The following PTGIS variants were observed in gnomAD, a reference collection of about 807,000 sequenced individuals.
The protein encoded by PTGIS is prostaglandin I2 synthase.
Under a neutral mutation model 50.3 loss-of-function variants are expected in PTGIS, and 45 were observed. The ratio of observed to expected loss-of-function variants is 0.90; its 90% CI spans 0.70 to 1.15. PTGIS has a LOEUF of 1.15. Among genes scored for constraint, PTGIS ranks in the 50% most tolerant of loss-of-function variants. The pLI, the probability that PTGIS is intolerant of heterozygous loss-of-function variation, is 0.00. For synonymous variants in PTGIS, 260 were observed against 267.7 expected (o/e 0.97, Z 0.28); for missense variants, 668 against 661.3 (o/e 1.01, Z -0.11).
At chr20:49,533,429 A>G (rs1324915697) in intron 5 of PTGIS, among the ~76,000 whole-genome samples, 2 of 151,938 alleles carry the variant, frequency 1.3e-5, no homozygotes, top group Admixed American at 6.6e-5. Flanking sequence ...CCTGCCCCCA[A>G]CTCCCTACTG....
At position 49,513,210 on chromosome 20, in the gene PTGIS, C is replaced by T. The variant is rs147983323; in HGVS notation, c.1076G>A (p.Arg359His). The T allele has an allele frequency of 1.9e-4, 309 of 1,613,912 alleles. 1 individual carries two copies. The highest frequency in any genetic ancestry group is 2.5e-4 in the Non-Finnish European group (293 of 1,180,040). ...CATGGCCAGGTCCACCACAACCTCG[C>T]GGGTGATGAAGGGGGCAGCTGTAAG... ...LRLTAAPFIT[R>H]EVVVDLAMPM... The change falls in exon 8 of 10, where the codon CGC becomes CAC. Residue 359 changes from arginine (R) to histidine (H), a missense_variant. By Grantham distance (29) the Arg-to-His change is conservative. Transcript: ENST00000244043.
At chr20:49,526,029 C>T (rs1446207401) in intron 5 of PTGIS, among the ~76,000 whole-genome samples, 1 of 152,126 alleles carries the variant, frequency 6.6e-6, no homozygotes, top group African/African-American at 2.4e-5. Context: ...GGTGACATTT[C>T]AATGTAAAGC....
chr20:49,545,434 GAAA>G (rs11435089), intron 3 of PTGIS, among the ~76,000 whole-genome samples: 1 of 137,700 alleles, frequency 7.3e-6, no homozygotes, highest in Admixed American at 7.3e-5. Context: ...AAAAAGAAAA[GAAA>G]AAAAAAAAAG....
chr20:49,532,116 C>T (rs2122866152), intron 5 of PTGIS, among the ~76,000 whole-genome samples: 1 of 152,178 alleles, frequency 6.6e-6, no homozygotes, highest in Admixed American at 6.5e-5. Flanking sequence ...AATATCTTAT[C>T]AATAATTTTA....
chr20:49,519,195 A>C (rs1015130676), intron 6 of PTGIS, among the ~76,000 whole-genome samples: 9 of 146,192 alleles, frequency 6.2e-5, no homozygotes, highest in African/African-American at 2.3e-4. Context: ...CCTGGACCTT[A>C]GGTCTCGGCC....
chr20:49,552,604 AT>A (rs58687253), intron 1 of PTGIS, among the ~76,000 whole-genome samples: 13,351 of 152,044 alleles, frequency 0.088, 722 homozygotes, highest in African/African-American at 0.15. Flanking sequence ...TTCCTTTAGT[AT>A]GCAAGTTTGG....
rs561823415 is a variant in PTGIS, at chr20:49,514,320, C to A, written c.931G>T (p.Gly311Ter). The A allele has an allele frequency of 2.5e-6, 4 of 1,613,954 alleles. No homozygotes were observed. In the African/African-American group the frequency reaches 4.0e-5, roughly 16 times the overall value. ...KNPEALAAVR[G>*]ELESILWQAE... ...TGCCAAAGGATACTCTCGAGCTCTC[C>A]GCGGACAGCAGCCAGGGCTTCAGGA... Residue 311 changes from glycine to a stop codon, truncating the protein, a stop_gained, in exon 7 of 10, where the codon GGA (glycine) becomes TGA (stop). Coordinates refer to ENST00000244043, the MANE Select transcript of PTGIS (RefSeq NM_000961.4). LOFTEE classifies it high-confidence loss of function.
At chr20:49,528,484 G>A (rs1981847909) in intron 5 of PTGIS, among the ~76,000 whole-genome samples, 1 of 152,118 alleles carries the variant, frequency 6.6e-6, no homozygotes, top group South Asian at 2.1e-4. Context: ...GCCAAGCATG[G>A]TGGTGGGCGC....
intron 4 of PTGIS, among the ~76,000 whole-genome samples, chr20:49,542,109 T>C (rs1263648109): frequency 6.6e-6 from 1 of 152,106 alleles, no homozygotes; most frequent in Non-Finnish European, 1.5e-5. Flanking sequence ...AGAGAGAGCG[T>C]GCCTGACCTG....
chr20:49,566,885 A>G (rs557225740), intron 1 of PTGIS, among the ~76,000 whole-genome samples: 21 of 152,342 alleles, frequency 1.4e-4, no homozygotes, highest in Middle Eastern at 3.4e-3. Context: ...AGAGTAACGG[A>G]CCAGTGTTGG....
intron 1 of PTGIS, among the ~76,000 whole-genome samples, chr20:49,552,965 C>A (rs563287057): frequency 2.6e-5 from 4 of 152,040 alleles, no homozygotes; most frequent in African/African-American, 9.6e-5. Context: ...CATAAGAGGT[C>A]TAATAAATTG....
chr20:49,535,439 T>C (rs1388095272), intron 5 of PTGIS, among the ~76,000 whole-genome samples: 2 of 152,116 alleles, frequency 1.3e-5, no homozygotes, highest in Non-Finnish European at 2.9e-5. Context: ...AAAGATAGAA[T>C]ATTGACATCT....
chr20:49,550,302 G>T, intron 1 of PTGIS, 113 bp from the exon 2 acceptor site: 1 of 1,389,382 alleles, frequency 7.2e-7, no homozygotes, highest in Non-Finnish European at 1.0e-6. Context: ...TCTGAATGGA[G>T]CACTCGGGGA....
chr20:49,509,215 G>A (rs990467161), intron 9 of PTGIS, among the ~76,000 whole-genome samples: 3 of 152,192 alleles, frequency 2.0e-5, no homozygotes, highest in Admixed American at 2.0e-4. Flanking sequence ...TAGAGGGTGA[G>A]TTTCTAAGGG....
intron 2 of PTGIS, among the ~76,000 whole-genome samples, chr20:49,548,483 AATGGATGG>A (rs377327811): frequency 6.6e-6 from 1 of 151,270 alleles, no homozygotes; most frequent in Non-Finnish European, 1.5e-5. Flanking sequence ...TGGATGGAAG[AATGGATGG>A]ATGGATGGAT....
chr20:49,551,811 T>C (rs1353026941), intron 1 of PTGIS, among the ~76,000 whole-genome samples: 1 of 84,958 alleles, frequency 1.2e-5, no homozygotes, highest in Non-Finnish European at 2.1e-5. Context: ...TGTGTTTGTG[T>C]GTGTGTGTGT....
chr20:49,561,615 G>A (rs1269970366), intron 1 of PTGIS, among the ~76,000 whole-genome samples: 2 of 152,172 alleles, frequency 1.3e-5, no homozygotes, highest in Non-Finnish European at 2.9e-5. Context: ...GAGGCAGGAG[G>A]GCATGGTCAC....
chr20:49,510,824 G>A (rs527433802), intron 9 of PTGIS, among the ~76,000 whole-genome samples: 3 of 152,302 alleles, frequency 2.0e-5, no homozygotes, highest in South Asian at 2.1e-4. Context: ...AAAGAAATCC[G>A]AAATCTGGCT....
At chr20:49,567,800 C>G (rs148152297) in intron 1 of PTGIS, among the ~76,000 whole-genome samples, 1 of 152,344 alleles carries the variant, frequency 6.6e-6, no homozygotes, top group Non-Finnish European at 1.5e-5. Flanking sequence ...GGCGATTCGC[C>G]CCGGGGGACC....
Sources: allele counts gnomAD v4.1 joint callset (sites outside exome capture counted in the v4.1 genomes callset), GRCh38; gene constraint gnomAD v4.1.1; transcripts MANE v1.5; gene names NCBI Gene and HGNC (gene_info 2026-07-23, HGNC 2026-07-21).